The following TMEM108 variants were observed in gnomAD, a reference collection of about 807,000 sequenced individuals.
TMEM108 encodes transmembrane protein 108.
TMEM108 carries 12 observed loss-of-function variants against 35.1 expected under a neutral mutation model. The ratio of observed to expected loss-of-function variants is 0.34; its 90% CI spans 0.22 to 0.55. TMEM108 has a LOEUF of 0.55. Among genes scored for constraint, TMEM108 ranks in the 20% least tolerant of loss-of-function variants. TMEM108 has a pLI of 0.89. For missense variants in TMEM108, 680 were observed against 753.3 expected, an observed-to-expected ratio of 0.90 and a Z score of 1.14; for synonymous variants, 287 against 308.6, an observed-to-expected ratio of 0.93 and a Z score of 0.73.
At chr3:133,351,915 T>TA (rs1196376293) in intron 3 of TMEM108, among the ~76,000 whole-genome samples, 1 of 152,188 alleles carries the variant, frequency 6.6e-6, no homozygotes, top group Admixed American at 6.5e-5. Flanking sequence ...GGCTTCACAT[T>TA]ATATCCACTT....
chr3:133,234,264 G>A (rs959457939), intron 3 of TMEM108, among the ~76,000 whole-genome samples: 1 of 152,054 alleles, frequency 6.6e-6, no homozygotes, highest in Non-Finnish European at 1.5e-5. Flanking sequence ...CATATGGCTA[G>A]CCAGTTTTCC....
intron 3 of TMEM108, among the ~76,000 whole-genome samples, chr3:133,288,634 G>C (rs1252794040): frequency 6.6e-6 from 1 of 152,200 alleles, no homozygotes; most frequent in African/African-American, 2.4e-5. Flanking sequence ...CTTCCCTGCA[G>C]AGGAGGCATT....
rs537120905 is a variant in TMEM108 at position 133,365,549 on chromosome 3, T to C, written c.41-14203T>C. On this transcript the variant is annotated intron_variant, in intron 3 of 5. Transcript: ENST00000321871. ...CTCAGAGGCAAGGAGCCACTTTCTC[T>C]TACTCCCGCTCTCTAGGACATAGGG... Among the ~76,000 whole-genome samples the C allele has an allele frequency of 7.2e-5, 11 of 152,274 alleles. No individual in the cohort carries two copies. The East Asian group carries it at 1.3e-3, about 19-fold the overall frequency.
At chr3:133,272,931 A>G (rs912798176) in intron 3 of TMEM108, among the ~76,000 whole-genome samples, 1 of 152,186 alleles carries the variant, frequency 6.6e-6, no homozygotes, top group Non-Finnish European at 1.5e-5. Context: ...AGTTCTACCA[A>G]TGACAAATCA....
intron 3 of TMEM108, among the ~76,000 whole-genome samples, chr3:133,370,219 T>C (rs2072618661): frequency 6.6e-6 from 1 of 151,550 alleles, no homozygotes; most frequent in Non-Finnish European, 1.5e-5. Flanking sequence ...TTACATTTAG[T>C]CTTCATGTCC....
intron 3 of TMEM108, among the ~76,000 whole-genome samples, chr3:133,283,090 A>G (rs1946937755): frequency 6.6e-6 from 1 of 152,160 alleles, no homozygotes; most frequent in Non-Finnish European, 1.5e-5. Context: ...AGTGGTGAGA[A>G]TTTTTGTCTT....
At chr3:133,084,625 G>A (rs1943857909) in intron 2 of TMEM108, among the ~76,000 whole-genome samples, 1 of 152,180 alleles carries the variant, frequency 6.6e-6, no homozygotes, top group Non-Finnish European at 1.5e-5. Context: ...GGCAACAATA[G>A]CTAATATTTG....
chr3:133,277,122 G>A (rs906695928), intron 3 of TMEM108, among the ~76,000 whole-genome samples: 1 of 150,644 alleles, frequency 6.6e-6, no homozygotes, highest in Non-Finnish European at 1.5e-5. Flanking sequence ...TCGAACTCTG[G>A]ACCAGAAAAA....
intron 2 of TMEM108, among the ~76,000 whole-genome samples, chr3:133,173,015 G>C (rs1453489078): frequency 6.6e-6 from 1 of 152,144 alleles, no homozygotes; most frequent in Non-Finnish European, 1.5e-5. Context: ...ATGTGGAACT[G>C]TAAGTCCATT....
At chr3:133,391,990 T>A (rs1452950232) in intron 5 of TMEM108, among the ~76,000 whole-genome samples, 1 of 152,146 alleles carries the variant, frequency 6.6e-6, no homozygotes, top group Admixed American at 6.5e-5. Flanking sequence ...GCACTCATCC[T>A]ACTCCATCTG....
intron 3 of TMEM108, among the ~76,000 whole-genome samples, chr3:133,349,581 A>C (rs2071928537): frequency 7.2e-6 from 1 of 139,370 alleles, no homozygotes; most frequent in Admixed American, 7.5e-5. Context: ...CTATATAAGG[A>C]ACTTAATAGC....
intron 2 of TMEM108, among the ~76,000 whole-genome samples, chr3:133,211,896 TTGG>T (rs1945838727): frequency 6.6e-6 from 1 of 152,240 alleles, no homozygotes; most frequent in Non-Finnish European, 1.5e-5. Flanking sequence ...ATTCTGCATC[TTGG>T]TGGAACTGAC....
At position 133,390,399 on chromosome 3, in the gene TMEM108, T is replaced by G. The variant is rs567265430; in HGVS notation, c.1605+65T>G. On this transcript the variant is annotated intron_variant, in intron 5 of 5. Coordinates refer to ENST00000321871, the MANE Select transcript of TMEM108 (RefSeq NM_023943.4). Reference sequence around the variant, plus strand: ...CAGGTCCAAAGAGAGCCATGGGGCATCTGCTCATTTCTGAGTGCCTTGCTC... The same window carrying G: ...CAGGTCCAAAGAGAGCCATGGGGCAGCTGCTCATTTCTGAGTGCCTTGCTC... The G allele has an allele frequency of 1.9e-6, 3 of 1,564,820 alleles. No homozygotes were observed. In the South Asian group the frequency reaches 3.5e-5, roughly 18 times the overall value.
intron 2 of TMEM108, among the ~76,000 whole-genome samples, chr3:133,168,749 C>G (rs1325665517): frequency 1.3e-5 from 2 of 152,184 alleles, no homozygotes; most frequent in Non-Finnish European, 2.9e-5. Flanking sequence ...AAGCTTTGTT[C>G]TTTCGCTCTT....
At chr3:133,225,330 G>T (rs1020484651) in intron 2 of TMEM108, among the ~76,000 whole-genome samples, 1 of 152,104 alleles carries the variant, frequency 6.6e-6, no homozygotes, top group Non-Finnish European at 1.5e-5. Flanking sequence ...ACAGGCATAA[G>T]CCACCGCGCC....
chr3:133,253,317 C>G (rs904292241), intron 3 of TMEM108: 2 of 152,216 alleles, frequency 1.3e-5, no homozygotes, highest in Non-Finnish European at 2.9e-5. Context: ...TTTCACCTTT[C>G]TGGACCTCAG....
chr3:133,087,121 A>G (rs1172260509), intron 2 of TMEM108, among the ~76,000 whole-genome samples: 1 of 152,120 alleles, frequency 6.6e-6, no homozygotes, highest in Non-Finnish European at 1.5e-5. Flanking sequence ...ATAGAGATTA[A>G]TGTAACTCAG....
chr3:133,147,723 C>A (rs1286317604), intron 2 of TMEM108, among the ~76,000 whole-genome samples: 1 of 152,164 alleles, frequency 6.6e-6, no homozygotes, highest in Non-Finnish European at 1.5e-5. Flanking sequence ...TCTCAATGAC[C>A]ACATCAGTAT....
intron 2 of TMEM108, among the ~76,000 whole-genome samples, chr3:133,193,714 C>T (rs999343493): frequency 6.6e-6 from 1 of 152,100 alleles, no homozygotes; most frequent in African/African-American, 2.4e-5. Flanking sequence ...AGATAAATGA[C>T]AGGGCTTTAG....
Sources: gnomAD v4.1 joint callset for allele counts (sites outside exome capture counted in the v4.1 genomes callset) on GRCh38, gnomAD v4.1.1 for gene constraint, MANE v1.5 for transcripts, NCBI Gene and HGNC (gene_info 2026-07-23, HGNC 2026-07-21) for gene names.